ZNF479: variants seen among roughly 807,000 people sequenced by gnomAD.
ZNF479 encodes KRAB zinc finger protein KR19.
ZNF479 carries 15 observed loss-of-function variants against 14.7 expected under a neutral mutation model. That is an observed-to-expected ratio of 1.02 (90% CI 0.68 to 1.57). The LOEUF (loss-of-function observed/expected upper bound fraction) is 1.57. Among genes scored for constraint, ZNF479 ranks in the 40% most tolerant of loss-of-function variants. ZNF479 has a pLI of 0.00. For synonymous variants in ZNF479, 145 were observed against 211.5 expected, an observed-to-expected ratio of 0.69 and a Z score of 2.73; for missense variants, 506 against 615.1, an observed-to-expected ratio of 0.82 and a Z score of 1.88.
intron 1 of ZNF479, among the ~76,000 whole-genome samples, chr7:57,131,076 G>C (rs560861646): frequency 6.6e-6 from 1 of 152,190 alleles, no homozygotes; most frequent in Non-Finnish European, 1.5e-5. Context: ...ACAAATAAGA[G>C]AACAACAGAC....
rs540432894 is a variant in ZNF479, at chr7:57,138,874, G to A, written c.-15+734C>T. The stretch of plus-strand genomic sequence containing the variant: ...ATACAGTCCACAGTTGGATCATGTC[G>A]GTCACATGTGGATTGAGCCACAGGA... On this transcript the variant is annotated intron_variant, in intron 1 of 4. Coordinates refer to the ZNF479 transcript ENST00000331162. Among the ~76,000 whole-genome samples, 121 of 152,192 alleles carry A rather than the reference G, an allele frequency of 8.0e-4. 1 individual carries two copies. The highest frequency in any genetic ancestry group is 2.7e-3 in the African/African-American group (111 of 41,518).
At chr7:57,122,891 G>A (rs1413181139) in intron 3 of ZNF479, among the ~76,000 whole-genome samples, 3 of 151,566 alleles carry the variant, frequency 2.0e-5, no homozygotes, top group Non-Finnish European at 4.4e-5. Flanking sequence ...AACATATAAA[G>A]CAAATATTGA....
intron 2 of ZNF479, among the ~76,000 whole-genome samples, 186 bp from the exon 3 acceptor site, chr7:57,126,299 G>GAATCA (rs1255473777): frequency 1.3e-5 from 2 of 151,010 alleles, no homozygotes; most frequent in African/African-American, 2.4e-5. Flanking sequence ...CAGTACTACT[G>GAATCA]AATCAAAAAT....
At position 57,120,712 on chromosome 7, in the gene ZNF479, G is replaced by T; in HGVS notation, c.703C>A (p.His235Asn). The part of the protein sequence containing the change: ...SSNHTTHKII[H>N]TGEKPYRCEE... ...CATCTATATGGTTTCTCTCCAGTAT[G>T]AATTATTTTATGTGTAGTATGGTTT... Residue 235 changes from histidine to asparagine, a missense_variant, in exon 4 of 4, where the codon CAT becomes AAT. This residue lies in a region of ZNF479 where 420 missense variants were observed against 474.2 expected (regional missense o/e 0.89). Coordinates refer to ENST00000319636, the MANE Select transcript of ZNF479 (RefSeq NM_001370129.2). 1 of 1,612,360 alleles carries T rather than the reference G, an allele frequency of 6.2e-7. No individual in the cohort carries two copies. Among genetic ancestry groups the T allele is most frequent in the Non-Finnish European group, 8.5e-7 (1 of 1,179,342 alleles).
upstream of ZNF479, among the ~76,000 whole-genome samples, chr7:57,136,686 G>A (rs1421117792): frequency 6.6e-6 from 1 of 152,180 alleles, no homozygotes; most frequent in South Asian, 2.1e-4. Context: ...TAGCTCAGTA[G>A]CTGGGCTTTG....
In ZNF479 at chr7:57,120,968, C is replaced by A; in HGVS notation, c.447G>T (p.Leu149Phe). ...KGGYSEVNQC[L>F]STTQNKIFQT... ...GAAATATTTTGTTTTGGGTAGTTGA[C>A]AAACATTGGTTAACTTCACTATAAC... The change falls in exon 4 of 4, where the codon TTG becomes TTT. Residue 149 changes from leucine to phenylalanine, a missense_variant. By Grantham distance (22) the Leu-to-Phe change is conservative. Around this residue, in one of 3 missense-constraint regions of ZNF479, gnomAD observed 420 missense variants for 474.2 expected, o/e 0.89. Coordinates refer to ENST00000319636, the MANE Select transcript of ZNF479 (RefSeq NM_001370129.2). The A allele has an allele frequency of 6.2e-7, 1 of 1,614,068 alleles. No individual in the cohort carries two copies. Among genetic ancestry groups the A allele is most frequent in the East Asian group, 2.2e-5 (1 of 44,862 alleles).
intron 3 of ZNF479, among the ~76,000 whole-genome samples, 157 bp from the exon 4 acceptor site, chr7:57,121,309 A>C (rs1237120967): frequency 6.6e-6 from 1 of 152,308 alleles, no homozygotes; most frequent in South Asian, 2.1e-4. Context: ...AATGTAACAA[A>C]ATCATAGTGA....
upstream of ZNF479, among the ~76,000 whole-genome samples, chr7:57,133,726 C>T (rs538046119): frequency 5.3e-5 from 8 of 152,124 alleles, no homozygotes; most frequent in African/African-American, 1.9e-4. Flanking sequence ...ATTAGCTGGG[C>T]GTGGTGACAG....
intron 3 of ZNF479, among the ~76,000 whole-genome samples, chr7:57,123,950 A>T (rs1431677335): frequency 6.6e-6 from 1 of 151,532 alleles, no homozygotes; most frequent in Non-Finnish European, 1.5e-5. Context: ...AAATAAACAC[A>T]CTCTTCACTG....
chr7:57,132,680 C>T (rs1464150142), upstream of ZNF479, among the ~76,000 whole-genome samples: 2 of 152,110 alleles, frequency 1.3e-5, no homozygotes, highest in South Asian at 2.1e-4. Flanking sequence ...TGCATTTAAC[C>T]TTGTGTATAA....
At chr7:57,131,391 T>A (rs542430746) in intron 1 of ZNF479, among the ~76,000 whole-genome samples, 1 of 151,998 alleles carries the variant, frequency 6.6e-6, no homozygotes, top group East Asian at 1.9e-4. Context: ...GGTGAAATCC[T>A]GTCTCTACTA....
rs370210526 is a variant in ZNF479 at position 57,121,073 on chromosome 7, T to C, written c.342A>G (p.Thr114=). 2.0e-5 allele frequency: 32 copies of C among 1,613,506 alleles called. No individual in the cohort carries two copies. In the South Asian group the frequency reaches 3.3e-4, roughly 17 times the overall value. Residue 114 remains threonine (T), a synonymous_variant, in exon 4 of 4, where the codon ACA becomes ACG. Coordinates refer to ENST00000319636, the MANE Select transcript of ZNF479 (RefSeq NM_001370129.2). ...ATTTCTCATGTCCACATTTTCCATA[T>C]GTTCTTGGTATTACTTTTTGGAGTG... The part of the protein sequence containing the change: ...KDSLQKVIPR[T]YGKCGHEKLQ...
chr7:57,133,911 A>G (rs150107542), upstream of ZNF479, among the ~76,000 whole-genome samples: 2 of 152,220 alleles, frequency 1.3e-5, no homozygotes, highest in African/African-American at 4.8e-5. Context: ...AATTGATTGC[A>G]ACAACTTAAT....
chr7:57,132,261 T>C, intron 1 of ZNF479, 25 bp downstream of exon 1: 4 of 1,613,870 alleles, frequency 2.5e-6, no homozygotes, highest in Non-Finnish European at 3.4e-6. Context: ...CACCCCTCTC[T>C]CACGATGACA....
At chr7:57,126,512 T>C (rs1786173364) in intron 2 of ZNF479, 80 bp downstream of exon 2, 3 of 1,356,494 alleles carry the variant, frequency 2.2e-6, no homozygotes, top group South Asian at 2.7e-5. Flanking sequence ...AATTCATTCA[T>C]GCAAAGCAGA....
Position 57,118,708 on chromosome 7 carries a change from G to C in ZNF479, c.*1132C>G, listed in dbSNP as rs1415351801. 3.3e-5 allele frequency among the ~76,000 whole-genome samples: 5 copies of C among 150,570 alleles called. No homozygotes were observed. Among genetic ancestry groups the C allele is most frequent in the African/African-American group, 1.3e-4 (5 of 39,916 alleles). On this transcript the variant is annotated 3_prime_UTR_variant, in exon 4 of 4. Coordinates refer to ENST00000319636, the MANE Select transcript of ZNF479 (RefSeq NM_001370129.2). ...TTAAGTATAAACTTTCTGATATTGA[G>C]TAAGATGTGACCTGATATTAATGGT...
chr7:57,124,450 C>T (rs1413819782), intron 3 of ZNF479, among the ~76,000 whole-genome samples: 1 of 152,094 alleles, frequency 6.6e-6, no homozygotes, highest in African/African-American at 2.4e-5. Context: ...AATTGCATCA[C>T]ATACAAAAAA....
rs549530960 is a variant in ZNF479 at position 57,122,237 on chromosome 7, T to C, written c.263-1085A>G. Among the ~76,000 whole-genome samples the C allele has an allele frequency of 2.0e-4, 30 of 151,804 alleles. No individual in the cohort carries two copies. The East Asian group carries it at 5.3e-3, about 27-fold the overall frequency. ...GAAACCTTGCAGGTCAGAAAAGAAC[T>C]GTGTAAAATGGTCAAAGGCTGAAAA... On this transcript the variant is annotated intron_variant, in intron 3 of 3. Coordinates refer to ENST00000319636, the MANE Select transcript of ZNF479 (RefSeq NM_001370129.2).
At chr7:57,127,455 T>G (rs1460730496) in intron 1 of ZNF479, 187 of 707,786 alleles carry the variant, frequency 2.6e-4, no homozygotes, top group South Asian at 1.1e-3. Context: ...AAAGATCTTG[T>G]GAGATTTTGT....
Sources: gnomAD v4.1 joint callset for allele counts (sites outside exome capture counted in the v4.1 genomes callset) on GRCh38, gnomAD v4.1.1 for gene constraint, gnomAD v4.1.1 regional missense constraint, MANE v1.5 for transcripts, NCBI Gene and HGNC (gene_info 2026-07-23, HGNC 2026-07-21) for gene names.